The following PLD5 variants were observed in gnomAD, a reference collection of about 807,000 sequenced individuals.
The protein encoded by PLD5 is inactive phospholipase D5.
Under a neutral mutation model 61.1 loss-of-function variants are expected in PLD5, and 36 were observed. That is an observed-to-expected ratio of 0.59 (90% CI 0.45 to 0.78). The LOEUF (loss-of-function observed/expected upper bound fraction) is 0.78, where lower values mean the gene tolerates loss of function less well. PLD5 is among the 30% of genes least tolerant of loss of function. PLD5 has a pLI of 0.00. For missense variants in PLD5, 515 were observed against 644.4 expected (o/e 0.80, Z 2.17); for synonymous variants, 243 against 242.8 (o/e 1.00, Z -0.01).
rs368684629 is a variant in PLD5, at chr1:242,340,087, T to C, written c.326+8019A>G. Among the ~76,000 whole-genome samples, 6 of 152,160 alleles carry C rather than the reference T, an allele frequency of 3.9e-5. No homozygotes were observed. In the East Asian group the frequency reaches 7.7e-4, roughly 20 times the overall value. The stretch of plus-strand genomic sequence containing the variant: ...GCGATAGGCTCACTATCAGCTCAAA[T>C]GGGGAAACTAGGAGAGGACATAAAA... On this transcript the variant is annotated intron_variant, in intron 2 of 9. Transcript: ENST00000536534.
In PLD5 at chr1:242,125,668, A is replaced by G. The variant is rs187501336; in HGVS notation, c.736-1003T>C. ...AACACCCAGTGAGGGGTTATTAGGG[A>G]AACCTTGGCTCTCTAAAGACCCAGG... On this transcript the variant is annotated intron_variant, in intron 5 of 9. Coordinates refer to ENST00000536534, the MANE Select transcript of PLD5 (RefSeq NM_001372062.1). 1.7e-3 allele frequency among the ~76,000 whole-genome samples: 253 copies of G among 152,324 alleles called. 2 individuals carry two copies. The highest frequency in any genetic ancestry group is 0.016 in the Admixed American group (240 of 15,296).
At chr1:242,260,620 G>A (rs1372312349) in intron 4 of PLD5, among the ~76,000 whole-genome samples, 1 of 152,148 alleles carries the variant, frequency 6.6e-6, no homozygotes, top group East Asian at 1.9e-4. Flanking sequence ...GCAATGGAAA[G>A]CCTTGATATT....
chr1:242,439,248 C>T (rs936449353), intron 1 of PLD5, among the ~76,000 whole-genome samples: 3 of 152,090 alleles, frequency 2.0e-5, no homozygotes, highest in Non-Finnish European at 4.4e-5. Context: ...GGGAAGGAGC[C>T]GGGGAAGGGG....
chr1:242,187,318 C>T (rs189779), intron 5 of PLD5, among the ~76,000 whole-genome samples: 18,211 of 152,200 alleles, frequency 0.12, 1,478 homozygotes, highest in East Asian at 0.3. Flanking sequence ...AGGCAACCAA[C>T]ATGAGGATAA....
chr1:242,457,541 G>A (rs557614578), intron 1 of PLD5, among the ~76,000 whole-genome samples: 23 of 152,248 alleles, frequency 1.5e-4, no homozygotes, highest in African/African-American at 4.8e-4. Flanking sequence ...CCAGGTGAAC[G>A]TCAATCTCCT....
chr1:242,362,131 T>G (rs1661103843), intron 1 of PLD5, among the ~76,000 whole-genome samples: 1 of 152,166 alleles, frequency 6.6e-6, no homozygotes, highest in African/African-American at 2.4e-5. Context: ...GACAATTTTT[T>G]TAAAACAAAA....
chr1:242,465,387 T>A (rs1268291281), intron 1 of PLD5, among the ~76,000 whole-genome samples: 1 of 152,238 alleles, frequency 6.6e-6, no homozygotes, highest in Admixed American at 6.5e-5. Flanking sequence ...TATCACCTTA[T>A]AACCTATAGT....
intron 7 of PLD5, among the ~76,000 whole-genome samples, chr1:242,108,152 G>A (rs1256549014): frequency 5.3e-5 from 8 of 152,042 alleles, no homozygotes; most frequent in African/African-American, 1.9e-4. Flanking sequence ...CGCTACCTGG[G>A]CCTCAGTCCA....
chr1:242,342,244 T>A (rs941328018), intron 2 of PLD5, among the ~76,000 whole-genome samples: 1 of 152,046 alleles, frequency 6.6e-6, no homozygotes, highest in East Asian at 1.9e-4. Flanking sequence ...CTCTAATAAG[T>A]GGTGGAGTAG....
rs1239018392 is a variant in PLD5 at position 242,402,580 on chromosome 1, A to G, written c.190-54338T>C. 3.9e-5 allele frequency among the ~76,000 whole-genome samples: 6 copies of G among 152,220 alleles called. No individual in the cohort carries two copies. The East Asian group carries it at 9.6e-4, about 24-fold the overall frequency. On this transcript the variant is annotated intron_variant, in intron 1 of 9. Transcript: ENST00000536534. ...CTTATTATTCAGCTGGCTATAGAGA[A>G]ATGCAGGATTTTGTTGGTACTATTC...
At chr1:242,115,113 G>C (rs1329416192) in intron 6 of PLD5, among the ~76,000 whole-genome samples, 1 of 152,144 alleles carries the variant, frequency 6.6e-6, no homozygotes, top group Non-Finnish European at 1.5e-5. Flanking sequence ...GGGAGGCAGA[G>C]GTTGCAGTGA....
At chr1:242,125,610 C>G (rs1574345484) in intron 5 of PLD5, among the ~76,000 whole-genome samples, 1 of 152,156 alleles carries the variant, frequency 6.6e-6, no homozygotes, top group Non-Finnish European at 1.5e-5. Flanking sequence ...CATTAAAGAA[C>G]AGCACACAAA....
chr1:242,205,794 C>G (rs1390217777), intron 5 of PLD5, among the ~76,000 whole-genome samples: 1 of 152,178 alleles, frequency 6.6e-6, no homozygotes, highest in Non-Finnish European at 1.5e-5. Flanking sequence ...GGCAGATGGA[C>G]TATACAACAG....
intron 7 of PLD5, among the ~76,000 whole-genome samples, chr1:242,113,187 T>C (rs1013429610): frequency 3.5e-4 from 53 of 149,446 alleles, no homozygotes; most frequent in Non-Finnish European, 4.9e-4. Flanking sequence ...CCTCCCAGGT[T>C]GATGCCATTC....
intron 1 of PLD5, among the ~76,000 whole-genome samples, chr1:242,475,267 C>CA (rs2102954198): frequency 6.6e-6 from 1 of 152,036 alleles, no homozygotes; most frequent in East Asian, 1.9e-4. Context: ...ACTAAAAATA[C>CA]AAAAAATTAG....
intron 1 of PLD5, among the ~76,000 whole-genome samples, chr1:242,373,169 C>G (rs1212302023): frequency 6.6e-6 from 1 of 152,184 alleles, no homozygotes; most frequent in Non-Finnish European, 1.5e-5. Context: ...TCAAAGAAGA[C>G]ATTTATGCAG....
At chr1:242,274,476 C>T (rs1674292735) in intron 3 of PLD5, among the ~76,000 whole-genome samples, 1 of 152,184 alleles carries the variant, frequency 6.6e-6, no homozygotes, top group African/African-American at 2.4e-5. Context: ...AAGCCTTGGC[C>T]AGGCGTGGTG....
intron 2 of PLD5, among the ~76,000 whole-genome samples, chr1:242,311,258 T>C (rs1023059145): frequency 6.6e-5 from 10 of 152,232 alleles, no homozygotes; most frequent in Admixed American, 5.2e-4. Flanking sequence ...GATAATGGGT[T>C]GTGGTCATAT....
At chr1:242,524,990 C>T (rs1036246233), upstream of PLD5, among the ~76,000 whole-genome samples, 2 of 152,086 alleles carry the variant, frequency 1.3e-5, no homozygotes, top group South Asian at 4.1e-4. Flanking sequence ...GGGATGGCTC[C>T]GGAGGGAGAC....
Sources: allele counts gnomAD v4.1 joint callset (sites outside exome capture counted in the v4.1 genomes callset), GRCh38; gene constraint gnomAD v4.1.1; transcripts MANE v1.5; gene names NCBI Gene and HGNC (gene_info 2026-07-23, HGNC 2026-07-21).